The following FBLIM1 variants were observed in gnomAD, a reference collection of about 807,000 sequenced individuals.
FBLIM1 encodes the protein filamin binding LIM protein 1.
FBLIM1 carries 29 observed loss-of-function variants against 37.4 expected under a neutral mutation model. That is an observed-to-expected ratio of 0.77 (90% CI 0.58 to 1.06). The LOEUF is 1.06. Ranked by LOEUF, FBLIM1 falls within the 50% of genes least tolerant of loss-of-function variation. The pLI, the probability that FBLIM1 is intolerant of heterozygous loss-of-function variation, is 0.00. For missense variants in FBLIM1, 449 were observed against 505.6 expected (o/e 0.89, Z 1.07); for synonymous variants, 193 against 199.0 (o/e 0.97, Z 0.25).
Position 15,774,629 on chromosome 1 carries a change from G to A in FBLIM1, c.723G>A (p.Glu241=), listed in dbSNP as rs1056098933. The A allele has an allele frequency of 1.1e-5, 18 of 1,613,414 alleles. No individual in the cohort carries two copies. The highest frequency in any genetic ancestry group is 2.2e-5 in the East Asian group (1 of 44,880). ...LCEPCYQDTL[E]RCGKCGEVVR... ...GGCCTCTGTCCTAGGACACACTGGA[G>A]AGGTGCGGCAAGTGTGGCGAGGTGG... is the stretch of plus-strand genomic sequence containing the variant. Residue 241 remains glutamate, a synonymous_variant, in exon 7 of 9, where the codon GAG becomes GAA. Transcript: ENST00000375766.
At chr1:15,774,554 AGAC>A in intron 6 of FBLIM1, 61 bp from the exon 7 acceptor site, 3 of 1,544,088 alleles carry the variant, frequency 1.9e-6, no homozygotes, top group Non-Finnish European at 2.6e-6. Context: ...TCTCAGAAGA[AGAC>A]GACCCTCGTG....
intron 8 of FBLIM1, among the ~76,000 whole-genome samples, chr1:15,782,407 T>TA (rs766909189): frequency 0.025 from 3,102 of 126,124 alleles, 87 homozygotes; most frequent in African/African-American, 0.073. Flanking sequence ...GACTCTATCT[T>TA]AAAAAAAAAA....
intron 3 of FBLIM1, among the ~76,000 whole-genome samples, chr1:15,766,978 C>G (rs2068955006): frequency 6.6e-6 from 1 of 151,568 alleles, no homozygotes; most frequent in Non-Finnish European, 1.5e-5. Context: ...CAGCCTCAAC[C>G]TCTTGGGCTT....
intron 6 of FBLIM1, 58 bp from the exon 7 acceptor site, chr1:15,774,559 AC>A: frequency 1.9e-6 from 3 of 1,549,220 alleles, no homozygotes; most frequent in Non-Finnish European, 2.6e-6. Flanking sequence ...GAAGAAGACG[AC>A]CCTCGTGGGT....
chr1:15,768,301 G>A (rs1469813045), intron 4 of FBLIM1, among the ~76,000 whole-genome samples: 1 of 152,164 alleles, frequency 6.6e-6, no homozygotes, highest in African/African-American at 2.4e-5. Context: ...GGTTGCAGGA[G>A]AGTCCTTCTA....
intron 8 of FBLIM1, among the ~76,000 whole-genome samples, chr1:15,783,876 C>T (rs2148666978): frequency 6.6e-6 from 1 of 152,282 alleles, no homozygotes; most frequent in Admixed American, 6.5e-5. Flanking sequence ...ACCACCGCGC[C>T]CGCCCAGAAT....
At chr1:15,760,155 G>A (rs1469421243) in intron 1 of FBLIM1, among the ~76,000 whole-genome samples, 10 of 152,150 alleles carry the variant, frequency 6.6e-5, no homozygotes, top group Admixed American at 4.6e-4. Context: ...CCCAGGAGGC[G>A]GAGGTTGCAG....
intron 1 of FBLIM1, among the ~76,000 whole-genome samples, chr1:15,763,705 T>C (rs908618358): frequency 6.6e-6 from 1 of 151,770 alleles, no homozygotes; most frequent in African/African-American, 2.4e-5. Flanking sequence ...AGTGGTGCAA[T>C]CTTGGCTCAC....
At chr1:15,776,945 A>G (rs1211970555) in intron 7 of FBLIM1, 9 of 514,302 alleles carry the variant, frequency 1.7e-5, no homozygotes, top group Non-Finnish European at 2.8e-5. Flanking sequence ...CACTGAACAC[A>G]GTTCTCAATT....
At chr1:15,776,944 C>T in intron 7 of FBLIM1, 1 of 486,510 alleles carries the variant, frequency 2.1e-6, no homozygotes, top group Non-Finnish European at 3.7e-6. Context: ...CCACTGAACA[C>T]AGTTCTCAAT....
intron 1 of FBLIM1, among the ~76,000 whole-genome samples, chr1:15,760,853 T>C (rs2068641975): frequency 6.6e-6 from 1 of 152,138 alleles, no homozygotes; most frequent in African/African-American, 2.4e-5. Context: ...CACAGCTGAC[T>C]GGGAGATGGC....
intron 7 of FBLIM1, 58 bp downstream of exon 7, chr1:15,774,854 G>T: frequency 6.2e-7 from 1 of 1,613,740 alleles, no homozygotes; most frequent in Non-Finnish European, 8.5e-7. Flanking sequence ...ACCCAAGCAG[G>T]GTGAAGGAGC....
At chr1:15,764,867 G>C in intron 2 of FBLIM1, 97 bp from the exon 3 acceptor site, 1 of 1,405,728 alleles carries the variant, frequency 7.1e-7, no homozygotes, top group Non-Finnish European at 9.6e-7. Context: ...AGGGTGGCTG[G>C]CCTGTCTTTT....
chr1:15,773,444 T>G (rs2069321997), intron 6 of FBLIM1, among the ~76,000 whole-genome samples: 1 of 148,328 alleles, frequency 6.7e-6, no homozygotes, highest in African/African-American at 2.5e-5. Context: ...TTTGGGAGGC[T>G]GAGGCAGGCA....
At chr1:15,777,374 G>A (rs2069524037) in intron 8 of FBLIM1, 87 bp downstream of exon 8, 6 of 865,940 alleles carry the variant, frequency 6.9e-6, no homozygotes, top group African/African-American at 1.7e-5. Flanking sequence ...GACAGGTCAG[G>A]GTGGGGGCTG....
Position 15,785,785 on chromosome 1 carries a change from C to T in FBLIM1, c.*1124C>T, listed in dbSNP as rs1287135872. ...GTTGGGGCACAGCCATGGACTTCCCCGCCCTGGAATGTGTGGTGCAAAGTG... is the reference window on the plus strand; with the variant it reads ...GTTGGGGCACAGCCATGGACTTCCCTGCCCTGGAATGTGTGGTGCAAAGTG... On this transcript the variant is annotated 3_prime_UTR_variant, in exon 9 of 9. Coordinates refer to ENST00000375766, the MANE Select transcript of FBLIM1 (RefSeq NM_017556.4). 6 of 152,304 alleles carry T rather than the reference C, an allele frequency of 3.9e-5. No homozygotes were observed. The highest frequency in any genetic ancestry group is 7.3e-5 in the Non-Finnish European group (5 of 68,082). The allele number at this position is 152,304 out of a possible 1,614,324, so 9.4% of individuals were successfully genotyped here.
intron 1 of FBLIM1, among the ~76,000 whole-genome samples, chr1:15,759,768 G>C (rs2068578144): frequency 6.6e-6 from 1 of 152,202 alleles, no homozygotes; most frequent in African/African-American, 2.4e-5. Flanking sequence ...GTGGGGCCGC[G>C]TGTGAACCCA....
At chr1:15,770,345 G>C in intron 5 of FBLIM1, 64 bp from the exon 6 acceptor site, 2 of 1,546,664 alleles carry the variant, frequency 1.3e-6, no homozygotes, top group Non-Finnish European at 1.8e-6. Flanking sequence ...GCATGTTCTG[G>C]GTGGTGCCTG....
chr1:15,761,908 G>A (rs1024051460), intron 1 of FBLIM1, among the ~76,000 whole-genome samples: 2 of 152,146 alleles, frequency 1.3e-5, no homozygotes, highest in Non-Finnish European at 2.9e-5. Context: ...CCTGGGCACA[G>A]GCATTGGGTG....
Sources: allele counts gnomAD v4.1 joint callset (sites outside exome capture counted in the v4.1 genomes callset), GRCh38; gene constraint gnomAD v4.1.1; transcripts MANE v1.5; gene names NCBI Gene and HGNC (gene_info 2026-07-23, HGNC 2026-07-21).